Variants in CSMD3 observed in about 807,000 individuals in gnomAD.
CSMD3 encodes CUB and Sushi multiple domains 3.
Under a neutral mutation model 435.2 loss-of-function variants are expected in CSMD3, and 177 were observed. The ratio of observed to expected loss-of-function variants is 0.41; its 90% confidence interval spans 0.36 to 0.46. The LOEUF is 0.46. Among genes scored for constraint, CSMD3 ranks in the 20% least tolerant of loss-of-function variants. The pLI is 0.34. For synonymous variants in CSMD3, 1,656 were observed against 1,520.5 expected, an observed-to-expected ratio of 1.09 and a Z score of -2.07; for missense variants, 4,265 against 4,504.6, an observed-to-expected ratio of 0.95 and a Z score of 1.52.
At chr8:113,162,320 A>G (rs1588179295) in intron 4 of CSMD3, among the ~76,000 whole-genome samples, 1 of 151,846 alleles carries the variant, frequency 6.6e-6, no homozygotes, top group East Asian at 2.0e-4. Context: ...TCACGCCTGT[A>G]ATCCCAGGCG....
chr8:113,075,270 A>T (rs1237288825), intron 5 of CSMD3, among the ~76,000 whole-genome samples: 1 of 151,826 alleles, frequency 6.6e-6, no homozygotes, highest in Non-Finnish European at 1.5e-5. Context: ...CAATAATACA[A>T]TTTTCTCTGT....
At chr8:113,329,775 C>A (rs1005920195) in intron 1 of CSMD3, among the ~76,000 whole-genome samples, 2 of 151,430 alleles carry the variant, frequency 1.3e-5, no homozygotes, top group Admixed American at 6.6e-5. Flanking sequence ...TGATTAAGGC[C>A]AAAAGTTGTA....
intron 1 of CSMD3, among the ~76,000 whole-genome samples, chr8:113,418,779 G>A (rs2094594866): frequency 6.6e-6 from 1 of 152,160 alleles, no homozygotes; most frequent in African/African-American, 2.4e-5. Context: ...AGCAGATTTA[G>A]ACTTGTTTCA....
At chr8:113,415,445 G>GA (rs1295495624) in intron 1 of CSMD3, among the ~76,000 whole-genome samples, 1 of 151,976 alleles carries the variant, frequency 6.6e-6, no homozygotes, top group Non-Finnish European at 1.5e-5. Context: ...CATCAACGTA[G>GA]AAAAAAACGC....
At position 112,396,655 on chromosome 8, in the gene CSMD3, C is replaced by T. The variant is rs1830885144; in HGVS notation, c.5810-5867G>A. On this transcript the variant is annotated intron_variant, in intron 35 of 70. Coordinates refer to ENST00000297405, the MANE Select transcript of CSMD3 (RefSeq NM_198123.2). The stretch of plus-strand genomic sequence containing the variant: ...TGATACAGTAATTTACTAAAATCCA[C>T]TCACTGAATAAAAGTTTGCTGAACA... 2.0e-5 allele frequency among the ~76,000 whole-genome samples: 3 copies of T among 152,288 alleles called. No individual in the cohort carries two copies. The South Asian group carries it at 6.2e-4, about 32-fold the overall frequency.
chr8:112,343,189 GA>G (rs1367590390), intron 41 of CSMD3, among the ~76,000 whole-genome samples: 3 of 151,262 alleles, frequency 2.0e-5, no homozygotes, highest in African/African-American at 7.3e-5. Flanking sequence ...TCAAAATCAA[GA>G]ATTAGCCAGA....
At chr8:113,205,428 G>A (rs1351760974) in intron 3 of CSMD3, among the ~76,000 whole-genome samples, 1 of 152,068 alleles carries the variant, frequency 6.6e-6, no homozygotes, top group Non-Finnish European at 1.5e-5. Flanking sequence ...TGTGGGTGGG[G>A]ACCAGCCAAA....
At chr8:112,723,831 C>T (rs1445635802) in intron 13 of CSMD3, among the ~76,000 whole-genome samples, 1 of 151,998 alleles carries the variant, frequency 6.6e-6, no homozygotes. Context: ...AGGTAATCAA[C>T]ACAGCACACA....
At chr8:113,141,566 TA>T (rs1186674018) in intron 4 of CSMD3, among the ~76,000 whole-genome samples, 2 of 151,018 alleles carry the variant, frequency 1.3e-5, no homozygotes, top group African/African-American at 4.8e-5. Context: ...ATTTACAGAC[TA>T]AATGATAAAA....
intron 3 of CSMD3, among the ~76,000 whole-genome samples, chr8:113,224,784 C>T (rs990374012): frequency 6.7e-6 from 1 of 148,710 alleles, no homozygotes; most frequent in African/African-American, 2.4e-5. Flanking sequence ...TAAATTCTGG[C>T]TCTTGTGTAA....
At chr8:112,726,904 A>C (rs918510750) in intron 13 of CSMD3, among the ~76,000 whole-genome samples, 2 of 151,846 alleles carry the variant, frequency 1.3e-5, no homozygotes, top group Non-Finnish European at 2.9e-5. Flanking sequence ...TATAAGAACC[A>C]ATGGGAATAT....
intron 3 of CSMD3, among the ~76,000 whole-genome samples, chr8:113,197,749 A>G (rs2092674509): frequency 1.3e-5 from 2 of 151,292 alleles, no homozygotes; most frequent in Non-Finnish European, 1.5e-5. Flanking sequence ...TTTTCTGTCA[A>G]TAATAATTGT....
At chr8:112,264,916 T>C (rs762680361) in intron 60 of CSMD3, among the ~76,000 whole-genome samples, 34 of 152,094 alleles carry the variant, frequency 2.2e-4, no homozygotes, top group Non-Finnish European at 3.7e-4. Context: ...TATGGCTGTA[T>C]TGACTAACAG....
intron 41 of CSMD3, among the ~76,000 whole-genome samples, chr8:112,342,971 T>TATATATATATTTATATATATATATATTTA (rs1825272584): frequency 2.2e-5 from 2 of 92,400 alleles, no homozygotes; most frequent in African/African-American, 7.7e-5. Flanking sequence ...TTGAAATGTA[T>TATATATATATTTATATATATATATATTTA]TATATATATA....
At chr8:113,128,770 C>T (rs1158806491) in intron 4 of CSMD3, among the ~76,000 whole-genome samples, 3 of 152,038 alleles carry the variant, frequency 2.0e-5, no homozygotes, top group South Asian at 2.1e-4. Flanking sequence ...ATACTGCTCT[C>T]ATTGTCTGTT....
intron 27 of CSMD3, among the ~76,000 whole-genome samples, chr8:112,521,519 C>G (rs1349657256): frequency 1.3e-5 from 2 of 151,848 alleles, no homozygotes; most frequent in Admixed American, 1.3e-4. Context: ...CTTTTGGTAT[C>G]TTTTGCTTTT....
chr8:112,730,787 T>C (rs1342592318), intron 13 of CSMD3, among the ~76,000 whole-genome samples: 1 of 152,066 alleles, frequency 6.6e-6, no homozygotes, highest in East Asian at 1.9e-4. Flanking sequence ...GAAACACAAG[T>C]CAAGCAAATT....
intron 16 of CSMD3, among the ~76,000 whole-genome samples, chr8:112,668,980 C>T (rs1231242705): frequency 6.6e-6 from 1 of 151,606 alleles, no homozygotes; most frequent in Non-Finnish European, 1.5e-5. Context: ...AAAAAAAAAG[C>T]TGCCTAGAGT....
chr8:112,308,080 A>G (rs1821614605), intron 50 of CSMD3, among the ~76,000 whole-genome samples: 1 of 152,174 alleles, frequency 6.6e-6, no homozygotes, highest in Non-Finnish European at 1.5e-5. Context: ...TAAATTATGA[A>G]CAGAAAAGCT....
Sources: gnomAD v4.1 joint callset for allele counts (sites outside exome capture counted in the v4.1 genomes callset) on GRCh38, gnomAD v4.1.1 for gene constraint, MANE v1.5 for transcripts, NCBI Gene and HGNC (gene_info 2026-07-23, HGNC 2026-07-21) for gene names.